Variants in ITIH6 observed in about 807,000 individuals in gnomAD.
ITIH6 encodes the protein inter-alpha-trypsin inhibitor heavy chain family member 6, also known as inter-alpha-trypsin inhibitor heavy chain H6.
In ITIH6, 60 loss-of-function variants were observed where a neutral mutation model predicts 58.2. The observed-to-expected ratio is 1.03, with a 90% confidence interval of 0.84 to 1.28. The LOEUF is 1.28. ITIH6 is among the 50% of genes most tolerant of loss of function. The pLI is 0.00. For synonymous variants in ITIH6, 493 were observed against 417.4 expected (o/e 1.18, Z -2.21); for missense variants, 1,290 against 1,021.1 (o/e 1.26, Z -3.59).
At chrX:54,776,364 A>G (rs1929054083) in intron 5 of ITIH6, among the ~76,000 whole-genome samples, 1 of 110,669 alleles carries the variant, frequency 9.0e-6, no homozygotes, top group Non-Finnish European at 1.9e-5. Flanking sequence ...AAGACAGCCT[A>G]GACACAAGGA....
At chrX:54,766,098 G>A (rs1488190328) in intron 6 of ITIH6, among the ~76,000 whole-genome samples, 5 of 110,475 alleles carry the variant, frequency 4.5e-5, no homozygotes, top group African/African-American at 6.6e-5. Context: ...TCCTTGAAGA[G>A]GTCCTTCACA....
intron 6 of ITIH6, among the ~76,000 whole-genome samples, chrX:54,767,667 G>A (rs975054519): frequency 9.6e-6 from 1 of 103,731 alleles, no homozygotes; most frequent in African/African-American, 3.8e-5. Context: ...TCATTCAGGA[G>A]CAGGTTGTTC....
At chrX:54,784,097 G>A (rs1478983434) in intron 5 of ITIH6, among the ~76,000 whole-genome samples, 4 of 111,519 alleles carry the variant, frequency 3.6e-5, no homozygotes, top group African/African-American at 1.3e-4. Flanking sequence ...AAGAACAGTC[G>A]CCTCAATAAA....
intron 6 of ITIH6, among the ~76,000 whole-genome samples, chrX:54,763,874 A>G (rs1380894208): frequency 2.7e-5 from 3 of 111,727 alleles, no homozygotes; most frequent in African/African-American, 9.8e-5. Flanking sequence ...CACATTAAGG[A>G]TTGTTTGTCT....
intron 2 of ITIH6, among the ~76,000 whole-genome samples, chrX:54,795,861 A>G (rs1929432632): frequency 9.0e-6 from 1 of 111,106 alleles, no homozygotes; most frequent in African/African-American, 3.3e-5. Flanking sequence ...TAATCTGCTC[A>G]CTGCTCCCCA....
intron 5 of ITIH6, among the ~76,000 whole-genome samples, chrX:54,783,229 A>G (rs768701194): frequency 9.8e-5 from 11 of 112,289 alleles, no homozygotes; most frequent in Non-Finnish European, 1.9e-5. Flanking sequence ...CACAGCTAGT[A>G]TCATACTGAA....
At chrX:54,751,902 C>T (rs2147598479) in intron 11 of ITIH6, among the ~76,000 whole-genome samples, 1 of 111,368 alleles carries the variant, frequency 9.0e-6, no homozygotes, top group African/African-American at 3.3e-5. Flanking sequence ...TTCCATGCAT[C>T]AGTGTATTTC....
intron 6 of ITIH6, among the ~76,000 whole-genome samples, chrX:54,763,895 T>C (rs1928709858): frequency 8.9e-6 from 1 of 112,374 alleles, no homozygotes; most frequent in Non-Finnish European, 1.9e-5. Context: ...TCTTGGAGAA[T>C]TTCCCCTTTA....
At position 54,751,146 on chromosome X, in the gene ITIH6, C is replaced by T. The variant is rs371340681; in HGVS notation, c.3587G>A (p.Arg1196His). Reference protein sequence around the residue: ...QLELYVAAAARLTLRLGPYLE... With the variant: ...QLELYVAAAAHLTLRLGPYLE... ...GTAGGGCCCAAGGCGGAGGGTAAGG[C>T]GGGCTGCAGCAGCCACATAGAGCTC... The change falls in exon 12 of 13, where the codon CGC becomes CAC. Residue 1196 changes from arginine to histidine, a missense_variant. Physicochemically the swap from Arg to His is conservative, Grantham distance 29. Coordinates refer to ENST00000218436, the MANE Select transcript of ITIH6 (RefSeq NM_198510.3). 47 of 1,208,361 alleles carry T rather than the reference C, an allele frequency of 3.9e-5. No homozygotes were observed. Among genetic ancestry groups the T allele is most frequent in the Admixed American group, 2.0e-4 (9 of 45,614 alleles).
chrX:54,777,323 C>T (rs1202564364), intron 5 of ITIH6, among the ~76,000 whole-genome samples: 2 of 112,765 alleles, frequency 1.8e-5, no homozygotes, highest in South Asian at 3.6e-4. Context: ...AGGAGTTTGA[C>T]TCTAGTCTCT....
At chrX:54,796,356 A>G (rs1398576025) in intron 2 of ITIH6, among the ~76,000 whole-genome samples, 1 of 112,384 alleles carries the variant, frequency 8.9e-6, no homozygotes, top group Non-Finnish European at 1.9e-5. Flanking sequence ...TAATTTTAGC[A>G]TATGTTTCCA....
chrX:54,762,908 C>A (rs1406146361), intron 6 of ITIH6, among the ~76,000 whole-genome samples: 1 of 111,526 alleles, frequency 9.0e-6, no homozygotes, highest in Non-Finnish European at 1.9e-5. Context: ...CTGTGCTTAA[C>A]CCTTTTGATG....
At chrX:54,797,878 T>A (rs1929471721) in intron 1 of ITIH6, among the ~76,000 whole-genome samples, 1 of 111,053 alleles carries the variant, frequency 9.0e-6, no homozygotes, top group African/African-American at 3.3e-5. Flanking sequence ...ATAATGGGGA[T>A]AATAATATAG....
At chrX:54,776,928 A>T (rs761842387) in intron 5 of ITIH6, among the ~76,000 whole-genome samples, 1 of 112,019 alleles carries the variant, frequency 8.9e-6, no homozygotes, top group Admixed American at 9.4e-5. Context: ...AGTAAATTGG[A>T]CACTGTCTTG....
At chrX:54,756,944 C>T (rs1928499047) in intron 8 of ITIH6, 21 bp downstream of exon 8, 1 of 1,067,129 alleles carries the variant, frequency 9.4e-7, no homozygotes, top group Middle Eastern at 2.5e-4. Context: ...CATGGCTCGA[C>T]CTCTTACCCA....
At chrX:54,751,753 C>G (rs1383115546) in intron 11 of ITIH6, among the ~76,000 whole-genome samples, 4 of 108,766 alleles carry the variant, frequency 3.7e-5, no homozygotes, top group African/African-American at 1.4e-4. Context: ...GTATGCGCCT[C>G]TGGATATGTT....
At chrX:54,762,409 C>A (rs1464734832) in intron 6 of ITIH6, among the ~76,000 whole-genome samples, 1 of 111,694 alleles carries the variant, frequency 9.0e-6, no homozygotes, top group Non-Finnish European at 1.9e-5. Context: ...TTTATAGCTG[C>A]CTTTCAATGA....
chrX:54,788,251 G>A (rs1375642942), intron 5 of ITIH6, among the ~76,000 whole-genome samples: 1 of 111,757 alleles, frequency 8.9e-6, no homozygotes, highest in Non-Finnish European at 1.9e-5. Context: ...TTAGGGATGG[G>A]TCCTTTGGGC....
At position 54,750,066 on chromosome X, in the gene ITIH6, A is replaced by C; in HGVS notation, c.3771T>G (p.Pro1257=). Residue 1257 remains proline, a synonymous_variant, in exon 13 of 13, where the codon CCT becomes CCG. Coordinates refer to ENST00000218436, the MANE Select transcript of ITIH6 (RefSeq NM_198510.3). ...GGTGCCTTCGTAAGCATGGCCCCAT[A>C]GGTCCTGTCACCAGTCGGATGTCTG... is the stretch of plus-strand genomic sequence containing the variant. ...QHADIRLVTG[P]MGPCLRRHHG... The C allele has an allele frequency of 8.3e-7, 1 of 1,210,295 alleles. No individual in the cohort carries two copies. The highest frequency in any genetic ancestry group is 1.1e-6 in the Non-Finnish European group (1 of 894,552).
Sources: allele counts gnomAD v4.1 joint callset (sites outside exome capture counted in the v4.1 genomes callset), GRCh38; gene constraint gnomAD v4.1.1; transcripts MANE v1.5; gene names NCBI Gene and HGNC (gene_info 2026-07-23, HGNC 2026-07-21).